The following AP2A2 variants were observed in gnomAD, a reference collection of about 807,000 sequenced individuals.
AP2A2 encodes AP-2 complex subunit alpha-2.
A neutral mutation model predicts 104.2 loss-of-function variants in AP2A2; 32 were observed. The observed-to-expected ratio is 0.31, with a 90% CI of 0.23 to 0.41. The LOEUF (loss-of-function observed/expected upper bound fraction) is 0.41, where lower values mean the gene tolerates loss of function less well. AP2A2 is among the 10% of genes least tolerant of loss of function. The pLI, the probability that AP2A2 is intolerant of heterozygous loss-of-function variation, is 1.00. For synonymous variants in AP2A2, 539 were observed against 533.3 expected (o/e 1.01, Z -0.15); for missense variants, 912 against 1,261.0 (o/e 0.72, Z 4.19).
intron 6 of AP2A2, among the ~76,000 whole-genome samples, chr11:983,540 G>A (rs1044327111): frequency 4.6e-5 from 7 of 151,686 alleles, no homozygotes; most frequent in Non-Finnish European, 7.4e-5. Flanking sequence ...CCGCCACCAT[G>A]CCTGGCTAAT....
chr11:987,067 C>T lies in AP2A2; in HGVS notation c.1131+114C>T, dbSNP rs1333686798. 4.8e-6 allele frequency: 6 copies of T among 1,243,578 alleles called. No individual in the cohort carries two copies. The East Asian group carries it at 7.7e-5, about 16-fold the overall frequency. The allele number at this position is 1,243,578 out of a possible 1,614,324, so 77.0% of individuals were successfully genotyped here. On this transcript the variant is annotated intron_variant, in intron 9 of 21. Coordinates refer to ENST00000448903, the MANE Select transcript of AP2A2 (RefSeq NM_012305.4). ...ACTCCCCGCAGAGATGGAGGTGGTGCTGGTGCTGCTGGCCTCCGCCTGTCA... is the reference window on the plus strand; with the variant it reads ...ACTCCCCGCAGAGATGGAGGTGGTGTTGGTGCTGCTGGCCTCCGCCTGTCA...
At chr11:969,220 C>T (rs11246361) in intron 2 of AP2A2, among the ~76,000 whole-genome samples, 9,384 of 48,004 alleles carry the variant, frequency 0.2, 1,378 homozygotes, top group Middle Eastern at 0.42. Flanking sequence ...TAGAACAGCC[C>T]TTTTTTTTTT....
rs768484784 is a variant in AP2A2 at position 986,883 on chromosome 11, C to T, written c.1061C>T (p.Thr354Met). The change falls in exon 9 of 22, where the codon ACG becomes ATG. Residue 354 changes from threonine (T) to methionine (M), a missense_variant. Thr to Met is a moderately conservative substitution (Grantham distance 81). Transcript: ENST00000448903. ...LRYLALESMC[T>M]LASSEFSHEA... is the part of the protein sequence containing the mutation. ...TACCTGGCCCTGGAGAGCATGTGCA[C>T]GCTGGCCAGCTCTGAGTTCTCCCAT... 1.4e-5 allele frequency: 23 copies of T among 1,608,614 alleles called. No homozygotes were observed. The highest frequency in any genetic ancestry group is 2.0e-5 in the Non-Finnish European group (23 of 1,178,030).
chr11:994,158 G>A lies in AP2A2; in HGVS notation c.1869G>A (p.Thr623=), dbSNP rs540330346. The change falls in exon 14 of 22, where the codon ACG becomes ACA. Residue 623 remains threonine, a synonymous_variant. Transcript: ENST00000448903. ...AKLKKKKGPS[T]VTDLEDTKRD... ...TCAAGAAGAAGAAGGGCCCCAGCAC[G>A]GTGACAGACCTGGAGGACACCAAGC... 37 of 1,613,018 alleles carry A rather than the reference G, an allele frequency of 2.3e-5. No homozygotes were observed. Among genetic ancestry groups the A allele is most frequent in the East Asian group, 1.6e-4 (7 of 44,890 alleles).
At position 1,009,392 on chromosome 11, in the gene AP2A2, G is replaced by C. The variant is rs1856321439; in HGVS notation, c.2602G>C (p.Ala868Pro). The change falls in exon 20 of 22, where the codon GCC becomes CCC. Residue 868 changes from alanine (A) to proline (P), a missense_variant. Around this residue, in one of 7 missense-constraint regions of AP2A2, gnomAD observed 239 missense variants for 329.8 expected, o/e 0.72. Coordinates refer to ENST00000448903, the MANE Select transcript of AP2A2 (RefSeq NM_012305.4). ...CCCAATGGACACAGAAGTCACCAAA[G>C]CCAAGGTAACACGTCTGGAGGGACG... ...KHPMDTEVTKAKIIGFGSALL... is the reference protein window; with the variant it reads ...KHPMDTEVTKPKIIGFGSALL... 1 of 1,612,978 alleles carries C rather than the reference G, an allele frequency of 6.2e-7. No homozygotes were observed. Among genetic ancestry groups the C allele is most frequent in the African/African-American group, 1.3e-5 (1 of 74,932 alleles).
At position 985,618 on chromosome 11, in the gene AP2A2, G is replaced by C. The variant is rs181805350; in HGVS notation, c.962+36G>C. On this transcript the variant is annotated intron_variant, in intron 8 of 21. Coordinates refer to ENST00000448903, the MANE Select transcript of AP2A2 (RefSeq NM_012305.4). Reference sequence around the variant, plus strand: ...TGCCTGTGGAGAGGCTTCGTCTCGCGCACACACACACGTTCCTTCTCGTTG... The same window carrying C: ...TGCCTGTGGAGAGGCTTCGTCTCGCCCACACACACACGTTCCTTCTCGTTG... 822 of 1,608,356 alleles carry C rather than the reference G, an allele frequency of 5.1e-4. 2 individuals are homozygous for C. The African/African-American group carries it at 8.9e-3, about 17-fold the overall frequency.
At chr11:940,280 C>T (rs7395321) in intron 1 of AP2A2, among the ~76,000 whole-genome samples, 77,185 of 152,018 alleles carry the variant, frequency 0.51, 20,209 homozygotes, top group Middle Eastern at 0.66. Context: ...GACGATGTGC[C>T]CAAGTGTGGC....
chr11:960,611 C>T (rs1854400203), intron 2 of AP2A2, among the ~76,000 whole-genome samples: 1 of 152,170 alleles, frequency 6.6e-6, no homozygotes, highest in African/African-American at 2.4e-5. Context: ...CTCCCGACCT[C>T]AAGTGATCCA....
intron 4 of AP2A2, among the ~76,000 whole-genome samples, chr11:974,698 AAAAG>A (rs1554887918): frequency 7.3e-6 from 1 of 137,146 alleles, no homozygotes; most frequent in Non-Finnish European, 1.6e-5. Flanking sequence ...AAAAAAAAAA[AAAAG>A]AAAGCTGGGC....
chr11:997,715 G>A (rs1430687977), intron 14 of AP2A2, among the ~76,000 whole-genome samples: 1 of 152,230 alleles, frequency 6.6e-6, no homozygotes, highest in South Asian at 2.1e-4. Flanking sequence ...GACCAGCCTG[G>A]CCAACATGGT....
At position 948,425 on chromosome 11, in the gene AP2A2, T is replaced by G. The variant is rs539990502; in HGVS notation, c.68-11012T>G. 3 of 152,342 alleles carry G rather than the reference T, an allele frequency of 2.0e-5. No individual in the cohort carries two copies. The South Asian group carries it at 6.2e-4, about 32-fold the overall frequency. The allele number at this position is 152,342 out of a possible 1,614,324, so 9.4% of individuals were successfully genotyped here. ...AGAAATAGAAAATCTGAATAGTTGCTCACTTTGGCAACACATATACTAAAA... is the reference window on the plus strand; with the variant it reads ...AGAAATAGAAAATCTGAATAGTTGCGCACTTTGGCAACACATATACTAAAA... On this transcript the variant is annotated intron_variant, in intron 1 of 21. Coordinates refer to ENST00000448903, the MANE Select transcript of AP2A2 (RefSeq NM_012305.4).
In AP2A2 at chr11:936,058, C is replaced by T. The variant is rs574874458; in HGVS notation, c.67+9970C>T. 4.4e-3 allele frequency among the ~76,000 whole-genome samples: 668 copies of T among 150,312 alleles called. 1 individual carries two copies. The highest frequency in any genetic ancestry group is 0.016 in the African/African-American group (644 of 41,128). On this transcript the variant is annotated intron_variant, in intron 1 of 21. Transcript: ENST00000448903. ...CTGGGACTACAGGCGCCCACCACCACGCCTGCCTAATTTTTTTTTTTTTTA... is the reference window on the plus strand; with the variant it reads ...CTGGGACTACAGGCGCCCACCACCATGCCTGCCTAATTTTTTTTTTTTTTA...
intron 1 of AP2A2, among the ~76,000 whole-genome samples, chr11:957,683 C>T (rs1854283560): frequency 6.6e-6 from 1 of 152,218 alleles, no homozygotes; most frequent in African/African-American, 2.4e-5. Flanking sequence ...TGCAAGTGGA[C>T]TTGTCAGATT....
chr11:979,116 C>T (rs1202264864), intron 5 of AP2A2, among the ~76,000 whole-genome samples: 5 of 151,744 alleles, frequency 3.3e-5, no homozygotes, highest in Admixed American at 1.3e-4. Flanking sequence ...GGTGGGGCCA[C>T]GTGTCGCGGG....
intron 1 of AP2A2, among the ~76,000 whole-genome samples, chr11:944,854 T>G (rs896085506): frequency 2.1e-5 from 2 of 95,440 alleles, no homozygotes; most frequent in Non-Finnish European, 4.0e-5. Flanking sequence ...ACAGCAATCC[T>G]GGGTGGAAAG....
chr11:935,970 C>A (rs1413103796), intron 1 of AP2A2, among the ~76,000 whole-genome samples: 1 of 149,834 alleles, frequency 6.7e-6, no homozygotes, highest in African/African-American at 2.5e-5. Context: ...GGCACTATCT[C>A]GGCTCACTGC....
chr11:973,452 C>T (rs1022603322), intron 4 of AP2A2, among the ~76,000 whole-genome samples: 5 of 152,078 alleles, frequency 3.3e-5, no homozygotes, highest in Non-Finnish European at 5.9e-5. Flanking sequence ...GCAGAGAGAC[C>T]GCAGCATAAC....
chr11:979,092 G>A (rs1402271633), intron 5 of AP2A2, among the ~76,000 whole-genome samples: 1 of 151,882 alleles, frequency 6.6e-6, no homozygotes, highest in African/African-American at 2.4e-5. Flanking sequence ...TTTGGCACCA[G>A]CTGCCACCAC....
At chr11:990,452 C>T (rs950117294) in intron 10 of AP2A2, among the ~76,000 whole-genome samples, 1 of 151,804 alleles carries the variant, frequency 6.6e-6, no homozygotes, top group African/African-American at 2.4e-5. Context: ...GATTGTTGTT[C>T]TGGGTGTTTT....
Sources: allele counts gnomAD v4.1 joint callset (sites outside exome capture counted in the v4.1 genomes callset), GRCh38; gene constraint gnomAD v4.1.1; regional missense constraint gnomAD v4.1.1; transcripts MANE v1.5; gene names NCBI Gene and HGNC (gene_info 2026-07-23, HGNC 2026-07-21).